The following SRFBP1 variants were observed in gnomAD, a reference collection of about 807,000 sequenced individuals.
SRFBP1 encodes the protein serum response factor-binding protein 1.
In SRFBP1, 47 loss-of-function variants were observed where a neutral mutation model predicts 45.5. The observed-to-expected ratio is 1.03, with a 90% CI of 0.82 to 1.32. The LOEUF is 1.32. Among genes scored for constraint, SRFBP1 ranks in the 40% most tolerant of loss-of-function variants. SRFBP1 has a pLI of 0.00. For missense variants in SRFBP1, 621 were observed against 484.6 expected, an observed-to-expected ratio of 1.28 and a Z score of -2.64; for synonymous variants, 203 against 166.3, an observed-to-expected ratio of 1.22 and a Z score of -1.70.
At chr5:122,001,570 T>TTC (rs1276435529) in intron 4 of SRFBP1, among the ~76,000 whole-genome samples, 2 of 142,878 alleles carry the variant, frequency 1.4e-5, no homozygotes, top group Non-Finnish European at 3.1e-5. Context: ...TTTTTTTTTT[T>TTC]TTGAGACGGA....
intron 2 of SRFBP1, among the ~76,000 whole-genome samples, chr5:122,035,737 A>G (rs186072603): frequency 6.6e-6 from 1 of 152,092 alleles, no homozygotes; most frequent in African/African-American, 2.4e-5. Context: ...AATCACTTCA[A>G]TTTGCCATCT....
At chr5:121,998,980 C>T (rs992372200) in intron 4 of SRFBP1, among the ~76,000 whole-genome samples, 8 of 151,964 alleles carry the variant, frequency 5.3e-5, no homozygotes, top group African/African-American at 1.7e-4. Flanking sequence ...TTCTGTATTG[C>T]GTTTGTTTTT....
chr5:121,990,465 A>G (rs1173559360), intron 3 of SRFBP1, among the ~76,000 whole-genome samples: 1 of 152,140 alleles, frequency 6.6e-6, no homozygotes, highest in South Asian at 2.1e-4. Context: ...AAAAATTCCA[A>G]TGGGGTACTA....
intron 2 of SRFBP1, among the ~76,000 whole-genome samples, chr5:122,047,241 A>G (rs1258231054): frequency 1.3e-5 from 2 of 152,126 alleles, no homozygotes; most frequent in African/African-American, 4.8e-5. Flanking sequence ...TAAGGAAGGG[A>G]TCCAGTTTCA....
chr5:122,022,076 G>A (rs1311690276), intron 6 of SRFBP1, among the ~76,000 whole-genome samples: 2 of 151,982 alleles, frequency 1.3e-5, no homozygotes, highest in Non-Finnish European at 2.9e-5. Flanking sequence ...AGATAATCCC[G>A]AAGTGTAAAG....
downstream of SRFBP1, chr5:122,077,990 C>G: frequency 6.9e-7 from 1 of 1,446,312 alleles, no homozygotes; most frequent in Non-Finnish European, 9.1e-7. The surrounding 1 kb of genome is among the most constrained non-coding windows in gnomAD (Gnocchi z 4.9). Context: ...GCGCATCACT[C>G]CTTTTGCCAG....
At chr5:122,008,975 A>G (rs996967286) in intron 4 of SRFBP1, among the ~76,000 whole-genome samples, 6 of 152,214 alleles carry the variant, frequency 3.9e-5, no homozygotes, top group Non-Finnish European at 5.9e-5. Context: ...TTCTTATTCT[A>G]TAATAGTATC....
chr5:122,077,641 G>C (rs1561421354), downstream of SRFBP1: 1 of 1,610,214 alleles, frequency 6.2e-7, no homozygotes, highest in Admixed American at 1.7e-5. This position sits in a 1 kb window ranked among gnomAD's most constrained non-coding sequence, Gnocchi z 4.9. Context: ...GCCTGGGGCG[G>C]CCAGCGGTGA....
downstream of SRFBP1, among the ~76,000 whole-genome samples, chr5:122,029,452 C>T (rs879400621): frequency 1.3e-5 from 2 of 152,178 alleles, no homozygotes; most frequent in Admixed American, 6.5e-5. Context: ...ATTCTTTATA[C>T]ACCTCATGCA....
rs111948338 is a variant in SRFBP1, at chr5:121,981,704, C to G, written c.198+6317C>G. Among the ~76,000 whole-genome samples, 525 of 151,990 alleles carry G rather than the reference C, an allele frequency of 3.5e-3. 3 individuals carry two copies. The highest frequency in any genetic ancestry group is 0.012 in the African/African-American group (508 of 41,496). On this transcript the variant is annotated intron_variant, in intron 3 of 7. Transcript: ENST00000339397. ...CCTTCAACACCTAATTCTTATGTTA[C>G]TTGCTCTAGGAAACTTTCCCTGGCA...
chr5:121,981,374 A>G (rs958917036), intron 3 of SRFBP1, among the ~76,000 whole-genome samples: 1 of 151,986 alleles, frequency 6.6e-6, no homozygotes, highest in Non-Finnish European at 1.5e-5. Flanking sequence ...AACACATTCA[A>G]ATCATAATAG....
chr5:122,034,512 T>A (rs1359192108), intron 2 of SRFBP1, among the ~76,000 whole-genome samples: 1 of 152,162 alleles, frequency 6.6e-6, no homozygotes, highest in African/African-American at 2.4e-5. Flanking sequence ...TTTCACATGT[T>A]GCTTAAATAC....
At chr5:122,025,361 T>C (rs919305739) in intron 7 of SRFBP1, among the ~76,000 whole-genome samples, 4 of 152,230 alleles carry the variant, frequency 2.6e-5, no homozygotes, top group East Asian at 3.8e-4. Context: ...CAGTCTATCA[T>C]TGTTGGACAT....
chr5:122,037,184 C>T (rs912428916), intron 2 of SRFBP1, among the ~76,000 whole-genome samples: 2 of 152,202 alleles, frequency 1.3e-5, no homozygotes, highest in Non-Finnish European at 2.9e-5. Flanking sequence ...AGGCGTGAGC[C>T]ACTGTGCCCA....
chr5:121,987,539 T>A lies in SRFBP1; in HGVS notation c.199-7060T>A, dbSNP rs368446970. 1.7e-4 allele frequency among the ~76,000 whole-genome samples: 26 copies of A among 152,312 alleles called. No individual in the cohort carries two copies. In the East Asian group the frequency reaches 4.8e-3, roughly 28 times the overall value. ...AGAAAAGTGTGAAGATTTTGATGTC[T>A]CTCACTCTTACAAGTTATTTCAGAT... is the stretch of plus-strand genomic sequence containing the variant. On this transcript the variant is annotated intron_variant, in intron 3 of 7. Transcript: ENST00000339397.
chr5:122,077,130 G>A (rs940307966), downstream of SRFBP1: 14 of 1,481,804 alleles, frequency 9.4e-6, no homozygotes, highest in Non-Finnish European at 1.2e-5. The surrounding 1 kb of genome is among the most constrained non-coding windows in gnomAD (Gnocchi z 4.9). Context: ...GCGGAGGACA[G>A]CAAGAGAACT....
At chr5:122,019,908 T>A (rs1029062019) in intron 5 of SRFBP1, among the ~76,000 whole-genome samples, 180 bp from the exon 6 acceptor site, 5 of 152,176 alleles carry the variant, frequency 3.3e-5, no homozygotes, top group Admixed American at 3.3e-4. Context: ...GCATATCTTA[T>A]GTTTGGTTTT....
intron 2 of SRFBP1, among the ~76,000 whole-genome samples, chr5:122,038,798 G>A (rs892629785): frequency 1.3e-5 from 2 of 152,082 alleles, no homozygotes; most frequent in Non-Finnish European, 1.5e-5. Flanking sequence ...CCTGTTTTTG[G>A]TGCCAAAGTA....
chr5:122,020,863 C>T, intron 6 of SRFBP1, 61 bp downstream of exon 6: 1 of 1,377,372 alleles, frequency 7.3e-7, no homozygotes, highest in South Asian at 1.6e-5. Context: ...CTATAAATGT[C>T]TACTTGTCCA....
Sources: gnomAD v4.1 joint callset for allele counts (sites outside exome capture counted in the v4.1 genomes callset) on GRCh38, gnomAD v4.1.1 for gene constraint, Gnocchi (gnomAD v3.1) non-coding constraint, MANE v1.5 for transcripts, NCBI Gene and HGNC (gene_info 2026-07-23, HGNC 2026-07-21) for gene names.